The following AFF3 variants were observed in gnomAD, a reference collection of about 807,000 sequenced individuals.
AFF3 encodes the protein AF4/FMR2 family member 3.
Under a neutral mutation model 129.7 loss-of-function variants are expected in AFF3, and 32 were observed. The ratio of observed to expected loss-of-function variants is 0.25; its 90% CI spans 0.19 to 0.33. The LOEUF (loss-of-function observed/expected upper bound fraction) is 0.33, where lower values mean the gene tolerates loss of function less well. Ranked by LOEUF, AFF3 falls within the 10% of genes least tolerant of loss-of-function variation. The pLI is 1.00. For missense variants in AFF3, 1,373 were observed against 1,592.0 expected (o/e 0.86, Z 2.34); for synonymous variants, 644 against 635.4 (o/e 1.01, Z -0.20).
In AFF3 at chr2:99,969,283, G is replaced by A. The variant is rs144162898; in HGVS notation, c.873+37349C>T. Among the ~76,000 whole-genome samples, 10 of 152,266 alleles carry A rather than the reference G, an allele frequency of 6.6e-5. No homozygotes were observed. The East Asian group carries it at 1.9e-3, about 29-fold the overall frequency. ...ACTTCATGTTCTCTTTGGGTGACTA[G>A]TGACCTCAGTTCACTTTGAACAAAA... On this transcript the variant is annotated intron_variant, in intron 7 of 24. Coordinates refer to ENST00000672756, the MANE Select transcript of AFF3 (RefSeq NM_001386135.1).
chr2:99,708,058 CA>C lies in AFF3; in HGVS notation c.1091+19018del, dbSNP rs532849990. On this transcript the variant is annotated intron_variant, in intron 11 of 24. Coordinates refer to ENST00000672756, the MANE Select transcript of AFF3 (RefSeq NM_001386135.1). ...ATTTGAATTTCAGGTAAACAACAAA[CA>C]AATTTTTAGCATAAGTATGTCCCAA... Among the ~76,000 whole-genome samples, 25 of 152,202 alleles carry C rather than the reference CA, an allele frequency of 1.6e-4. 1 individual carries two copies. In the East Asian group the frequency reaches 4.6e-3, roughly 28 times the overall value.
intron 12 of AFF3, among the ~76,000 whole-genome samples, chr2:99,664,030 T>C (rs1686464830): frequency 6.6e-6 from 1 of 152,190 alleles, no homozygotes; most frequent in Non-Finnish European, 1.5e-5. Flanking sequence ...AATTAATCAG[T>C]CCCTTCCTAA....
At chr2:99,906,844 T>TACACACACAC (rs56113249) in intron 7 of AFF3, among the ~76,000 whole-genome samples, 4 of 146,348 alleles carry the variant, frequency 2.7e-5, no homozygotes, top group East Asian at 2.0e-4. Context: ...CTATCCATAT[T>TACACACACAC]ACACACACAC....
chr2:99,908,080 A>C (rs1343859666), intron 7 of AFF3, among the ~76,000 whole-genome samples: 1 of 152,130 alleles, frequency 6.6e-6, no homozygotes, highest in African/African-American at 2.4e-5. Context: ...CATAAATTTT[A>C]ATCTGTTTTG....
intron 7 of AFF3, among the ~76,000 whole-genome samples, chr2:99,979,486 C>A (rs1443641434): frequency 2.0e-5 from 3 of 151,496 alleles, no homozygotes; most frequent in Non-Finnish European, 4.4e-5. Flanking sequence ...TTTTTAAATT[C>A]TTTATCTCTT....
At chr2:100,021,830 T>C (rs1320363348) in intron 4 of AFF3, among the ~76,000 whole-genome samples, 1 of 152,242 alleles carries the variant, frequency 6.6e-6, no homozygotes, top group East Asian at 1.9e-4. Context: ...ATCGGGATTC[T>C]AAGTTGCATG....
At chr2:99,626,465 C>CCTT (rs1682582771) in intron 13 of AFF3, among the ~76,000 whole-genome samples, 1 of 61,564 alleles carries the variant, frequency 1.6e-5, no homozygotes, top group Non-Finnish European at 4.3e-5. Flanking sequence ...TCCTTCCTTC[C>CCTT]TCCCTCCCTC....
chr2:99,808,288 A>T (rs1686513847), intron 8 of AFF3, among the ~76,000 whole-genome samples: 2 of 152,226 alleles, frequency 1.3e-5, no homozygotes, highest in African/African-American at 4.8e-5. Context: ...GGCAGAATCA[A>T]GAGAGCCATA....
chr2:100,027,678 G>T (rs564618451), intron 4 of AFF3, among the ~76,000 whole-genome samples: 3 of 151,930 alleles, frequency 2.0e-5, no homozygotes, highest in Non-Finnish European at 4.4e-5. Flanking sequence ...GTTAAACTTT[G>T]CTGTTTGATA....
intron 7 of AFF3, among the ~76,000 whole-genome samples, chr2:99,963,678 C>T (rs1220742610): frequency 1.3e-5 from 2 of 151,192 alleles, no homozygotes. Flanking sequence ...AACACAGAAC[C>T]ATTTTTTAAA....
At chr2:100,016,583 A>AGTAGT (rs1167509199) in intron 4 of AFF3, among the ~76,000 whole-genome samples, 1 of 120,968 alleles carries the variant, frequency 8.3e-6, no homozygotes, top group Admixed American at 8.0e-5. Flanking sequence ...TGTTAGTGAC[A>AGTAGT]GTAGTGATGG....
chr2:99,691,987 G>C (rs1447844027), intron 11 of AFF3, among the ~76,000 whole-genome samples: 1 of 152,220 alleles, frequency 6.6e-6, no homozygotes, highest in Non-Finnish European at 1.5e-5. Flanking sequence ...AAGTATGGAA[G>C]GCTTTATGTA....
chr2:99,551,324 C>G lies in AFF3; in HGVS notation c.*150G>C. On this transcript the variant is annotated 3_prime_UTR_variant, in exon 25 of 25. Coordinates refer to ENST00000672756, the MANE Select transcript of AFF3 (RefSeq NM_001386135.1). Reference sequence around the variant, plus strand: ...TTATATACCCACACATACAAACACACATGCCCTGCAAAAGATCATTGTTCA... The same window carrying G: ...TTATATACCCACACATACAAACACAGATGCCCTGCAAAAGATCATTGTTCA... 8.8e-7 allele frequency: 1 copy of G among 1,140,154 alleles called. No individual in the cohort carries two copies. The highest frequency in any genetic ancestry group is 1.5e-5 in the South Asian group (1 of 65,612). The allele number at this position is 1,140,154 out of a possible 1,614,324, so 70.6% of individuals were successfully genotyped here.
chr2:99,747,795 A>G (rs866526902), intron 9 of AFF3, among the ~76,000 whole-genome samples: 1 of 152,110 alleles, frequency 6.6e-6, no homozygotes, highest in Non-Finnish European at 1.5e-5. Context: ...TGTCCCTAAT[A>G]TATACTCTCA....
intron 22 of AFF3, among the ~76,000 whole-genome samples, chr2:99,555,882 C>A (rs1403137704): frequency 6.6e-6 from 1 of 152,178 alleles, no homozygotes; most frequent in Non-Finnish European, 1.5e-5. Flanking sequence ...ACACCGCAAA[C>A]CATGCCACTT....
intron 7 of AFF3, among the ~76,000 whole-genome samples, chr2:99,975,792 G>C (rs1224338539): frequency 5.5e-5 from 4 of 73,330 alleles, no homozygotes; most frequent in Non-Finnish European, 1.0e-4. Context: ...CACCCTACTA[G>C]ATTATAACAG....
intron 17 of AFF3, among the ~76,000 whole-genome samples, chr2:99,580,054 G>A (rs552944574): frequency 6.6e-6 from 1 of 152,254 alleles, no homozygotes; most frequent in African/African-American, 2.4e-5. Flanking sequence ...GCCTCTGCTT[G>A]CTCTTGGTAA....
chr2:100,040,189 TTAAG>T lies in AFF3; in HGVS notation c.54-31261_54-31258del, dbSNP rs1021804390. On this transcript the variant is annotated intron_variant, in intron 4 of 24. Transcript: ENST00000672756. ...CAAGAAGCCTCCCCTCCCAGTGTTA[TTAAG>T]TAATATGACGATTATTGCTTACAAC... Among the ~76,000 whole-genome samples the T allele has an allele frequency of 7.9e-5, 12 of 152,164 alleles. No homozygotes were observed. The East Asian group carries it at 1.6e-3, about 20-fold the overall frequency.
At chr2:99,750,093 C>A (rs1681504590) in intron 9 of AFF3, among the ~76,000 whole-genome samples, 1 of 152,068 alleles carries the variant, frequency 6.6e-6, no homozygotes, top group South Asian at 2.1e-4. Context: ...GATCTTTTTT[C>A]TCTGACATAA....
Sources: allele counts gnomAD v4.1 joint callset (sites outside exome capture counted in the v4.1 genomes callset), GRCh38; gene constraint gnomAD v4.1.1; transcripts MANE v1.5; gene names NCBI Gene and HGNC (gene_info 2026-07-23, HGNC 2026-07-21).